Variants in CCDC71 observed in about 807,000 individuals in gnomAD.
The protein encoded by CCDC71 is coiled-coil domain-containing protein 71.
For missense variants in CCDC71, 594 were observed against 604.0 expected, an observed-to-expected ratio of 0.98 and a Z score of 0.17; for synonymous variants, 257 against 242.2, an observed-to-expected ratio of 1.06 and a Z score of -0.57.
At chr3:49,165,144 C>T (rs1157968331) in intron 1 of CCDC71, among the ~76,000 whole-genome samples, 1 of 152,190 alleles carries the variant, frequency 6.6e-6, no homozygotes, top group Non-Finnish European at 1.5e-5. Context: ...TAGCAGGTGC[C>T]AATGACATCT....
intron 1 of CCDC71, among the ~76,000 whole-genome samples, chr3:49,165,936 G>A (rs1277816123): frequency 6.6e-6 from 1 of 152,216 alleles, no homozygotes; most frequent in Non-Finnish European, 1.5e-5. Context: ...AGAAGTTGAC[G>A]GAAGATAGGG....
In CCDC71 at chr3:49,163,238, G is replaced by T; in HGVS notation, c.971C>A (p.Ala324Asp). The change falls in exon 2 of 2, where the codon GCT (alanine) becomes GAT (aspartate). Residue 324 changes from alanine to aspartate, a missense_variant. Ala to Asp is a moderately radical substitution (Grantham distance 126, BLOSUM62 -2). Coordinates refer to ENST00000321895, the MANE Select transcript of CCDC71 (RefSeq NM_022903.4). ...CTTGGCCTTGACCTGTGCTGCCTTAGCTTTGGCCTTAGCCTTGACCTGTGC... is the reference window on the plus strand; with the variant it reads ...CTTGGCCTTGACCTGTGCTGCCTTATCTTTGGCCTTAGCCTTGACCTGTGC... ...KAAQVKAKAK[A>D]KAAQVKAKAK... The T allele has an allele frequency of 6.4e-7, 1 of 1,571,874 alleles. No individual in the cohort carries two copies. Among genetic ancestry groups the T allele is most frequent in the Non-Finnish European group, 8.7e-7 (1 of 1,148,566 alleles).
chr3:49,163,887 G>A lies in CCDC71; in HGVS notation c.322C>T (p.Arg108Trp), dbSNP rs1311195896. The part of the protein sequence containing the change: ...PPASAPRTAM[R>W]LPAGRATLLP... ...AGTGTGGCCCGACCTGCAGGCAACC[G>A]CATGGCAGTTCGGGGAGCACTGGCT... The change falls in exon 2 of 2, where the codon CGG (arginine) becomes TGG (tryptophan). Residue 108 changes from arginine (R) to tryptophan (W), a missense_variant. Physicochemically the swap from Arg to Trp is moderately radical, Grantham distance 101. Coordinates refer to ENST00000321895, the MANE Select transcript of CCDC71 (RefSeq NM_022903.4). 2.5e-6 allele frequency: 4 copies of A among 1,614,192 alleles called. No individual in the cohort carries two copies. Among genetic ancestry groups the A allele is most frequent in the Non-Finnish European group, 3.4e-6 (4 of 1,180,032 alleles).
Position 49,162,778 on chromosome 3 carries a change from T to A in CCDC71, c.*27A>T, listed in dbSNP as rs1242922103. ...AGCCACACAGACAGCTGGGCTTAGT[T>A]TCCCCAAACATTGCCGTGTGAAGGA... On this transcript the variant is annotated 3_prime_UTR_variant, in exon 2 of 2. Coordinates refer to ENST00000321895, the MANE Select transcript of CCDC71 (RefSeq NM_022903.4). 1.2e-6 allele frequency: 2 copies of A among 1,601,654 alleles called. No individual in the cohort carries two copies. The highest frequency in any genetic ancestry group is 1.7e-6 in the Non-Finnish European group (2 of 1,172,456).
chr3:49,163,737 C>T lies in CCDC71; in HGVS notation c.472G>A (p.Ala158Thr). Reference sequence around the variant, plus strand: ...TAAAGGTGGGTGGGGAAGCCCACTGCTGCACCCCGGGCATGGCTGGCACTT... The same window carrying T: ...TAAAGGTGGGTGGGGAAGCCCACTGTTGCACCCCGGGCATGGCTGGCACTT... ...QSSASHARGA[A>T]VGFPTHLYPG... The change falls in exon 2 of 2, where the codon GCA becomes ACA. Residue 158 changes from alanine to threonine, a missense_variant. By Grantham distance (58) the Ala-to-Thr change is moderately conservative (BLOSUM62 0). Coordinates refer to ENST00000321895, the MANE Select transcript of CCDC71 (RefSeq NM_022903.4). The T allele has an allele frequency of 6.2e-7, 1 of 1,614,102 alleles. No individual in the cohort carries two copies. Among genetic ancestry groups the T allele is most frequent in the Non-Finnish European group, 8.5e-7 (1 of 1,180,034 alleles).
Position 49,166,291 on chromosome 3 carries a change from C to A in CCDC71, c.-77G>T, listed in dbSNP as rs1229387877. On this transcript the variant is annotated 5_prime_UTR_variant, in exon 1 of 2. Coordinates refer to ENST00000321895, the MANE Select transcript of CCDC71 (RefSeq NM_022903.4). The surrounding 1 kb of genome is among the most constrained non-coding windows in gnomAD (Gnocchi z 4.0). ...CCGGCGCCGCCGCGGGGACCCAAGA[C>A]GCGCCTCTGCGCCGCCTCCGCTGCT... 1 of 152,260 alleles carries A rather than the reference C, an allele frequency of 6.6e-6. No homozygotes were observed. The highest frequency in any genetic ancestry group is 2.4e-5 in the African/African-American group (1 of 41,446). The allele number at this position is 152,260 out of a possible 1,614,324, so 9.4% of individuals were successfully genotyped here.
intron 1 of CCDC71, 92 bp from the exon 2 acceptor site, chr3:49,164,352 G>C: frequency 1.4e-6 from 1 of 737,592 alleles, no homozygotes; most frequent in Non-Finnish European, 2.2e-6. Flanking sequence ...CAATCTCCAT[G>C]ACACTGAGGA....
In CCDC71 at chr3:49,163,863, G is replaced by A. The variant is rs767478569; in HGVS notation, c.346C>T (p.Leu116=). The change falls in exon 2 of 2, where the codon CTG becomes TTG. Residue 116 remains leucine (L), a synonymous_variant. Coordinates refer to ENST00000321895, the MANE Select transcript of CCDC71 (RefSeq NM_022903.4). ...CTGCCAGATAGCGGCATGGGAAGCA[G>A]TGTGGCCCGACCTGCAGGCAACCGC... The part of the protein sequence containing the change: ...AMRLPAGRAT[L]LPMPLSGRLA... The A allele has an allele frequency of 1.2e-6, 2 of 1,614,110 alleles. No individual in the cohort carries two copies. Among genetic ancestry groups the A allele is most frequent in the South Asian group, 1.1e-5 (1 of 91,092 alleles).
chr3:49,163,997 T>C lies in CCDC71; in HGVS notation c.212A>G (p.Tyr71Cys), dbSNP rs775796007. Residue 71 changes from tyrosine (Y) to cysteine (C), a missense_variant, in exon 2 of 2, where the codon TAT becomes TGT. Tyr to Cys is a radical substitution (Grantham distance 194, BLOSUM62 -2). Transcript: ENST00000321895. ...ATTAGCTGTGCATGAACTATAGCCA[T>C]AGACATCACCACTGCGCAGGATGGT... The part of the protein sequence containing the change: ...QPTILRSGDV[Y>C]GYSSCTANPP... 3 of 1,614,048 alleles carry C rather than the reference T, an allele frequency of 1.9e-6. No homozygotes were observed. The highest frequency in any genetic ancestry group is 1.6e-4 in the Middle Eastern group (1 of 6,062).
chr3:49,164,722 G>A (rs1227216876), intron 1 of CCDC71, among the ~76,000 whole-genome samples: 2 of 152,154 alleles, frequency 1.3e-5, no homozygotes, highest in Non-Finnish European at 2.9e-5. Context: ...AGGATTCCTG[G>A]GAGAGACAAC....
rs148872443 is a variant in CCDC71 at position 49,163,064 on chromosome 3, C to T, written c.1145G>A (p.Arg382His). ...CCTCTTCTGCCCAACAGTCTCAGGG[C>T]GGTTTTTCTGGCCCTTCCTTGTAGT... ...ARTTRKGQKN[R>H]PETVGQKRKR... Residue 382 changes from arginine (R) to histidine (H), a missense_variant, in exon 2 of 2, where the codon CGC becomes CAC. Physicochemically the swap from Arg to His is conservative, Grantham distance 29 (BLOSUM62 0). Transcript: ENST00000321895. The T allele has an allele frequency of 5.4e-5, 87 of 1,614,268 alleles. No individual in the cohort carries two copies. Among genetic ancestry groups the T allele is most frequent in the Middle Eastern group, 1.6e-4 (1 of 6,062 alleles).
rs2045704025 is a variant in CCDC71 at position 49,163,364 on chromosome 3, T to C, written c.845A>G (p.Gln282Arg). 3 of 1,614,030 alleles carry C rather than the reference T, an allele frequency of 1.9e-6. No homozygotes were observed. Among genetic ancestry groups the C allele is most frequent in the Non-Finnish European group, 2.5e-6 (3 of 1,180,036 alleles). Residue 282 changes from glutamine (Q) to arginine (R), a missense_variant, in exon 2 of 2, where the codon CAG becomes CGG. Physicochemically the swap from Gln to Arg is conservative, Grantham distance 43. Transcript: ENST00000321895. ...GGCCAGTGTTCGAGCTACCTTGGCCTGGGCTGTTTTGGTGCCCAGGGCAGA... is the reference window on the plus strand; with the variant it reads ...GGCCAGTGTTCGAGCTACCTTGGCCCGGGCTGTTTTGGTGCCCAGGGCAGA... ...GGSALGTKTA[Q>R]AKVARTLAKA...
Position 49,162,605 on chromosome 3 carries a change from G to T in CCDC71, c.*200C>A. 1 of 589,900 alleles carries T rather than the reference G, an allele frequency of 1.7e-6. No homozygotes were observed. The highest frequency in any genetic ancestry group is 2.0e-5 in the South Asian group (1 of 49,206). The allele number at this position is 589,900 out of a possible 1,614,324, so 36.5% of individuals were successfully genotyped here. ...TGAATAACAAGTCACAGTGCATCGC[G>T]CCATGAAAACACCCCTCCCGCCCAC... On this transcript the variant is annotated 3_prime_UTR_variant, in exon 2 of 2. Transcript: ENST00000321895.
chr3:49,163,479 G>A lies in CCDC71; in HGVS notation c.730C>T (p.Pro244Ser). 1 of 1,614,252 alleles carries A rather than the reference G, an allele frequency of 6.2e-7. No individual in the cohort carries two copies. Among genetic ancestry groups the A allele is most frequent in the Non-Finnish European group, 8.5e-7 (1 of 1,180,044 alleles). The change falls in exon 2 of 2, where the codon CCT becomes TCT. Residue 244 changes from proline (P) to serine (S), a missense_variant. Coordinates refer to ENST00000321895, the MANE Select transcript of CCDC71 (RefSeq NM_022903.4). ...KGPKCLTRKGPGAGPRRGSGH... is the reference protein window; with the variant it reads ...KGPKCLTRKGSGAGPRRGSGH... ...GAGCCTCGTCGGGGTCCAGCCCCAGGGCCTTTGCGAGTCAGACACTTGGGG... is the reference window on the plus strand; with the variant it reads ...GAGCCTCGTCGGGGTCCAGCCCCAGAGCCTTTGCGAGTCAGACACTTGGGG...
chr3:49,165,823 T>G (rs2045720341), intron 1 of CCDC71, among the ~76,000 whole-genome samples: 1 of 152,248 alleles, frequency 6.6e-6, no homozygotes, highest in Non-Finnish European at 1.5e-5. Flanking sequence ...CAGGTTAGGC[T>G]GGGCTCTTGG....
intron 1 of CCDC71, among the ~76,000 whole-genome samples, chr3:49,165,998 C>T (rs974229562): frequency 6.6e-6 from 1 of 152,222 alleles, no homozygotes; most frequent in Admixed American, 6.5e-5. Context: ...GATCGGGGCC[C>T]TCAGGCTGGG....
chr3:49,165,983 G>C (rs1369483981), intron 1 of CCDC71, among the ~76,000 whole-genome samples: 1 of 152,244 alleles, frequency 6.6e-6, no homozygotes, highest in African/African-American at 2.4e-5. Flanking sequence ...CCGGGGGAGG[G>C]GGCAGATCGG....
At position 49,166,108 on chromosome 3, in the gene CCDC71, A is replaced by T. The variant is rs1559422221; in HGVS notation, c.-53+159T>A. The stretch of plus-strand genomic sequence containing the variant: ...AGCCCTACCGGGACCGCACAGCCCC[A>T]GGGTGGGGTCGCTGGGCGCGGGGTG... On this transcript the variant is annotated intron_variant, in intron 1 of 1. Transcript: ENST00000321895. This position sits in a 1 kb window ranked among gnomAD's most constrained non-coding sequence, Gnocchi z 4.0. Among the ~76,000 whole-genome samples, 3 of 81,980 alleles carry T rather than the reference A, an allele frequency of 3.7e-5. No homozygotes were observed. The highest frequency in any genetic ancestry group is 7.4e-5 in the Non-Finnish European group (3 of 40,696). 53.8% of individuals were successfully genotyped at this position (81,980 alleles called of 152,430 possible).
rs1289745619 is a variant in CCDC71, at chr3:49,166,143, T to G, written c.-53+124A>C. 20 of 130,378 alleles carry G rather than the reference T, an allele frequency of 1.5e-4. No individual in the cohort carries two copies. Among genetic ancestry groups the G allele is most frequent in the African/African-American group, 3.3e-4 (11 of 33,022 alleles). 8.1% of individuals were successfully genotyped at this position (130,378 alleles called of 1,614,324 possible). On this transcript the variant is annotated intron_variant, in intron 1 of 1. Transcript: ENST00000321895. This position sits in a 1 kb window ranked among gnomAD's most constrained non-coding sequence, Gnocchi z 4.0. ...CGCTGGGCGCGGGGTGGGGGTGGGG[T>G]GGGGGGTCTCGGCCAGGCCGGCGGA... is the stretch of plus-strand genomic sequence containing the variant.
Sources: gnomAD v4.1 joint callset for allele counts (sites outside exome capture counted in the v4.1 genomes callset) on GRCh38, gnomAD v4.1.1 for gene constraint, Gnocchi (gnomAD v3.1) non-coding constraint, MANE v1.5 for transcripts, NCBI Gene and HGNC (gene_info 2026-07-23, HGNC 2026-07-21) for gene names.